BMP7: variants seen among roughly 807,000 people sequenced by gnomAD.
BMP7 encodes osteogenic protein 1.
Under a neutral mutation model 41.2 loss-of-function variants are expected in BMP7, and 12 were observed. The observed-to-expected ratio is 0.29, with a 90% CI of 0.19 to 0.47. The LOEUF (loss-of-function observed/expected upper bound fraction) is 0.47. BMP7 is among the 20% of genes least tolerant of loss of function. BMP7 has a pLI of 0.99. For missense variants in BMP7, 467 were observed against 606.0 expected (o/e 0.77, Z 2.41); for synonymous variants, 248 against 250.0 (o/e 0.99, Z 0.07).
intron 4 of BMP7, among the ~76,000 whole-genome samples, chr20:57,178,709 T>G (rs1600728156): frequency 6.6e-6 from 1 of 151,060 alleles, no homozygotes; most frequent in Non-Finnish European, 1.5e-5. Context: ...TGTGGGGGGG[T>G]AGAAGGCAGG....
At chr20:57,253,350 G>A (rs2066121769) in intron 1 of BMP7, among the ~76,000 whole-genome samples, 1 of 152,152 alleles carries the variant, frequency 6.6e-6, no homozygotes, top group Non-Finnish European at 1.5e-5. Context: ...ATGGAGTAGG[G>A]GGCATTTTAC....
chr20:57,256,150 C>T (rs947704286), intron 1 of BMP7, among the ~76,000 whole-genome samples: 5 of 152,122 alleles, frequency 3.3e-5, no homozygotes, highest in Admixed American at 1.3e-4. Context: ...CAAAATGAAG[C>T]GCAAGATGGG....
intron 3 of BMP7, among the ~76,000 whole-genome samples, chr20:57,185,402 G>T (rs1984186384): frequency 6.6e-6 from 1 of 152,174 alleles, no homozygotes; most frequent in Admixed American, 6.5e-5. Flanking sequence ...GACTGAATTT[G>T]GGAAGGGATT....
At chr20:57,205,971 C>T (rs538932895) in intron 2 of BMP7, among the ~76,000 whole-genome samples, 14 of 152,268 alleles carry the variant, frequency 9.2e-5, no homozygotes, top group East Asian at 5.8e-4. Flanking sequence ...GATGCTAACA[C>T]GGGCTTTGCT....
At chr20:57,217,466 C>T (rs181912976) in intron 2 of BMP7, among the ~76,000 whole-genome samples, 6 of 152,338 alleles carry the variant, frequency 3.9e-5, no homozygotes, top group African/African-American at 1.4e-4. Flanking sequence ...CCAGGGGTTA[C>T]AAGGACTCCA....
chr20:57,245,793 C>T (rs1204467491), intron 1 of BMP7, among the ~76,000 whole-genome samples: 5 of 152,112 alleles, frequency 3.3e-5, no homozygotes, highest in African/African-American at 1.2e-4. Flanking sequence ...CGCCCGCCAC[C>T]ACGCCCAGCT....
rs2066059323 is a variant in BMP7, at chr20:57,239,094, A to C, written c.419-10673T>G. Among the ~76,000 whole-genome samples the C allele has an allele frequency of 2.6e-5, 4 of 152,276 alleles. No homozygotes were observed. In the South Asian group the frequency reaches 8.3e-4, roughly 32 times the overall value. ...CAAATTCTTAACTCATTTCAGCATT[A>C]ACTCAAAAGTCCACAGTCCAAAGTC... On this transcript the variant is annotated intron_variant, in intron 1 of 6. Transcript: ENST00000395863.
chr20:57,222,838 G>C (rs1014498162), intron 2 of BMP7, among the ~76,000 whole-genome samples: 1 of 74,260 alleles, frequency 1.3e-5, no homozygotes, highest in Non-Finnish European at 2.4e-5. Context: ...AACTCCAGAG[G>C]CTTCTGGAAG....
chr20:57,191,778 AC>A (rs1254565729), intron 3 of BMP7, among the ~76,000 whole-genome samples: 1 of 143,430 alleles, frequency 7.0e-6, no homozygotes, highest in Non-Finnish European at 1.5e-5. Context: ...TATATAATAT[AC>A]TATATATTAT....
rs750655217 is a variant in BMP7 at position 57,265,850 on chromosome 20, C to T, written c.273G>A (p.Ala91=). The T allele has an allele frequency of 6.2e-7, 1 of 1,606,870 alleles. No individual in the cohort carries two copies. The highest frequency in any genetic ancestry group is 1.1e-5 in the South Asian group (1 of 89,348). The change falls in exon 1 of 7, where the codon GCG becomes GCA. Residue 91 remains alanine, a synonymous_variant. Coordinates refer to ENST00000395863, the MANE Select transcript of BMP7 (RefSeq NM_001719.3). ...MFMLDLYNAM[A]VEEGGGPGGQ... is the part of the protein sequence containing the mutation. The stretch of plus-strand genomic sequence containing the variant: ...CGCCGGGCCCGCCGCCCTCCTCCAC[C>T]GCCATGGCGTTGTACAGGTCCAGCA...
intron 3 of BMP7, among the ~76,000 whole-genome samples, chr20:57,191,533 T>C (rs1984357783): frequency 6.6e-6 from 1 of 151,764 alleles, no homozygotes; most frequent in Non-Finnish European, 1.5e-5. Context: ...CCCCGTGTTG[T>C]AGAGACTAAA....
At chr20:57,231,142 C>G (rs1183192557) in intron 1 of BMP7, among the ~76,000 whole-genome samples, 7 of 152,226 alleles carry the variant, frequency 4.6e-5, no homozygotes, top group African/African-American at 1.7e-4. Context: ...TGTTTTTGAA[C>G]AGTCGCTGCA....
At position 57,224,338 on chromosome 20, in the gene BMP7, C is replaced by T. The variant is rs76987831; in HGVS notation, c.611+3891G>A. Among the ~76,000 whole-genome samples, 301 of 152,312 alleles carry T rather than the reference C, an allele frequency of 2.0e-3. 6 individuals carry two copies. In the East Asian group the frequency reaches 0.05, roughly 25 times the overall value. On this transcript the variant is annotated intron_variant, in intron 2 of 6. Coordinates refer to ENST00000395863, the MANE Select transcript of BMP7 (RefSeq NM_001719.3). The surrounding 1 kb of genome is among the most constrained non-coding windows in gnomAD (Gnocchi z 4.8). ...ACATCATCTCGACCTTGGTGGCGGC[C>T]GACTCCCTTGGAGCAGATTCTGCTG...
chr20:57,248,885 G>A (rs961028822), intron 1 of BMP7, among the ~76,000 whole-genome samples: 6 of 150,846 alleles, frequency 4.0e-5, no homozygotes, highest in African/African-American at 9.8e-5. Flanking sequence ...TGCAAGCTCC[G>A]CCTCCTGGGT....
chr20:57,251,647 C>G (rs1293313075), intron 1 of BMP7, among the ~76,000 whole-genome samples: 1 of 152,164 alleles, frequency 6.6e-6, no homozygotes, highest in African/African-American at 2.4e-5. Context: ...AAAACTCAGG[C>G]TTTTGGCCGG....
intron 3 of BMP7, among the ~76,000 whole-genome samples, chr20:57,192,948 A>G (rs1050457558): frequency 6.6e-6 from 1 of 152,186 alleles, no homozygotes; most frequent in Admixed American, 6.5e-5. Context: ...TTCCTGCGGT[A>G]TAATAACTGA....
intron 2 of BMP7, among the ~76,000 whole-genome samples, chr20:57,205,657 G>C (rs1313836781): frequency 6.6e-6 from 1 of 152,182 alleles, no homozygotes; most frequent in African/African-American, 2.4e-5. Flanking sequence ...AGGAAAATGT[G>C]ACCAGATATC....
At chr20:57,225,108 G>C (rs1480297728) in intron 2 of BMP7, among the ~76,000 whole-genome samples, 1 of 152,224 alleles carries the variant, frequency 6.6e-6, no homozygotes, top group East Asian at 1.9e-4. Flanking sequence ...GCAGGCTCTG[G>C]GCTCCCCCGG....
At chr20:57,221,743 C>T (rs1600631215) in intron 2 of BMP7, among the ~76,000 whole-genome samples, 2 of 149,224 alleles carry the variant, frequency 1.3e-5, no homozygotes, top group South Asian at 2.1e-4. Context: ...CCCAGGAGGT[C>T]GAGGCTGCAG....
Sources: allele counts gnomAD v4.1 joint callset (sites outside exome capture counted in the v4.1 genomes callset), GRCh38; gene constraint gnomAD v4.1.1; non-coding constraint Gnocchi (gnomAD v3.1); transcripts MANE v1.5; gene names NCBI Gene and HGNC (gene_info 2026-07-23, HGNC 2026-07-21).